SUCLG2: variants seen among roughly 807,000 people sequenced by gnomAD.
SUCLG2 encodes succinate--CoA ligase [GDP-forming] subunit beta, mitochondrial.
In SUCLG2, 42 loss-of-function variants were observed where a neutral mutation model predicts 47.9. The ratio of observed to expected loss-of-function variants is 0.88; its 90% CI spans 0.69 to 1.14. The LOEUF is 1.14. Ranked by LOEUF, SUCLG2 falls within the 50% of genes most tolerant of loss-of-function variation. The pLI is 0.00. For synonymous variants in SUCLG2, 195 were observed against 197.3 expected (o/e 0.99, Z 0.10); for missense variants, 571 against 525.9 (o/e 1.09, Z -0.84).
In SUCLG2 at chr3:67,518,240, T is replaced by C. The variant is rs772354781; in HGVS notation, c.660+7A>G. 2.5e-6 allele frequency: 4 copies of C among 1,609,656 alleles called. No homozygotes were observed. In the African/African-American group the frequency reaches 4.0e-5, roughly 16 times the overall value. On this transcript the variant is annotated splice_region_variant and intron_variant, in intron 6 of 10. Coordinates refer to ENST00000307227, the MANE Select transcript of SUCLG2 (RefSeq NM_003848.4). ...TCAGACACACCATCCCCCAATGGCT[T>C]ATATACCTGGCTTTTCAAAGGCCCA...
chr3:67,437,760 G>A (rs915835277), intron 9 of SUCLG2, among the ~76,000 whole-genome samples: 1 of 151,934 alleles, frequency 6.6e-6, no homozygotes, highest in Non-Finnish European at 1.5e-5. Flanking sequence ...CTTAAGAGAT[G>A]ATAATGATTA....
chr3:67,487,102 A>G (rs576421004), intron 9 of SUCLG2, among the ~76,000 whole-genome samples: 1 of 152,300 alleles, frequency 6.6e-6, no homozygotes, highest in African/African-American at 2.4e-5. Flanking sequence ...GGAAATAAAA[A>G]GAATCTTATT....
At chr3:67,543,719 G>C (rs1559565246) in intron 2 of SUCLG2, among the ~76,000 whole-genome samples, 1 of 152,152 alleles carries the variant, frequency 6.6e-6, no homozygotes, top group Admixed American at 6.5e-5. Flanking sequence ...GTTACCTTAA[G>C]TGGCTAGGGA....
chr3:67,548,805 A>G (rs1706933383), intron 2 of SUCLG2, among the ~76,000 whole-genome samples: 1 of 152,232 alleles, frequency 6.6e-6, no homozygotes, highest in Non-Finnish European at 1.5e-5. Context: ...TATTTAATTT[A>G]TACACCTTAG....
intron 2 of SUCLG2, among the ~76,000 whole-genome samples, chr3:67,569,802 A>G (rs1707560802): frequency 6.6e-6 from 1 of 152,176 alleles, no homozygotes; most frequent in African/African-American, 2.4e-5. Flanking sequence ...CTGATGCTAG[A>G]TGGGTTAAGA....
chr3:67,388,591 G>T (rs1702309050), intron 10 of SUCLG2, among the ~76,000 whole-genome samples: 1 of 152,188 alleles, frequency 6.6e-6, no homozygotes, highest in Non-Finnish European at 1.5e-5. Context: ...CTGATCATAG[G>T]TGAAACAATG....
intron 4 of SUCLG2, among the ~76,000 whole-genome samples, chr3:67,523,031 G>A (rs1013163781): frequency 5.3e-5 from 8 of 151,954 alleles, no homozygotes; most frequent in Admixed American, 3.3e-4. Flanking sequence ...CTCGTGATTC[G>A]CCCACCTCCG....
At chr3:67,497,196 T>C (rs932413620) in intron 8 of SUCLG2, among the ~76,000 whole-genome samples, 2 of 152,196 alleles carry the variant, frequency 1.3e-5, no homozygotes, top group Non-Finnish European at 2.9e-5. Context: ...TAATTGGATG[T>C]CATTTTCTAT....
At chr3:67,647,636 CACT>C (rs1239512387) in intron 1 of SUCLG2, among the ~76,000 whole-genome samples, 2 of 152,340 alleles carry the variant, frequency 1.3e-5, no homozygotes, top group Admixed American at 1.3e-4. Context: ...CAGCAGTCGT[CACT>C]ACTAAGTCAA....
At chr3:67,424,438 G>A (rs2106867583) in intron 9 of SUCLG2, among the ~76,000 whole-genome samples, 1 of 152,270 alleles carries the variant, frequency 6.6e-6, no homozygotes, top group African/African-American at 2.4e-5. Flanking sequence ...GTAGGATGAT[G>A]CATTGGAACT....
intron 1 of SUCLG2, among the ~76,000 whole-genome samples, chr3:67,640,604 T>G (rs144095637): frequency 1.2e-3 from 190 of 152,328 alleles, no homozygotes; most frequent in Middle Eastern, 3.4e-3. Context: ...TCCCCAAAAC[T>G]CGTTGAGCAT....
Position 67,546,824 on chromosome 3 carries a change from C to T in SUCLG2, c.227-17638G>A, listed in dbSNP as rs546760684. 3.9e-5 allele frequency among the ~76,000 whole-genome samples: 6 copies of T among 152,222 alleles called. 1 individual carries two copies. Among genetic ancestry groups the T allele is most frequent in the African/African-American group, 1.4e-4 (6 of 41,544 alleles). ...GCTGAGGCAGGAGAATTGCTGGAAC[C>T]GGGGAGGCAGAGGTTGCAGCGAGCT... On this transcript the variant is annotated intron_variant, in intron 2 of 10. Coordinates refer to ENST00000307227, the MANE Select transcript of SUCLG2 (RefSeq NM_003848.4).
intron 10 of SUCLG2, among the ~76,000 whole-genome samples, chr3:67,381,868 G>C (rs1575658678): frequency 2.0e-5 from 3 of 152,188 alleles, no homozygotes. Context: ...TCTGCCACTG[G>C]GTGGAGTAAG....
intron 9 of SUCLG2, among the ~76,000 whole-genome samples, chr3:67,410,831 C>T (rs751504215): frequency 2.6e-5 from 4 of 152,144 alleles, no homozygotes; most frequent in Non-Finnish European, 5.9e-5. Context: ...AACTGTCTTT[C>T]CAGCTTAACA....
At chr3:67,528,298 T>A in intron 3 of SUCLG2, 76 bp from the exon 4 acceptor site, 1 of 1,315,422 alleles carries the variant, frequency 7.6e-7, no homozygotes, top group Non-Finnish European at 1.1e-6. Context: ...ACACAGAGCC[T>A]CATGTCTACA....
At chr3:67,615,534 A>C (rs938671103) in intron 1 of SUCLG2, among the ~76,000 whole-genome samples, 1 of 152,060 alleles carries the variant, frequency 6.6e-6, no homozygotes, top group Non-Finnish European at 1.5e-5. Flanking sequence ...ACTTACTAGT[A>C]ATCAAGAAAA....
rs1447018246 is a variant in SUCLG2 at position 67,368,686 on chromosome 3, A to G, written c.1184-7918T>C. Among the ~76,000 whole-genome samples the G allele has an allele frequency of 2.0e-5, 3 of 151,726 alleles. No homozygotes were observed. The East Asian group carries it at 5.8e-4, about 29-fold the overall frequency. On this transcript the variant is annotated intron_variant, in intron 10 of 10. Coordinates refer to the SUCLG2 transcript ENST00000493112. ...AATGGCACAATCTTGGCTCACTGAA[A>G]CCTCCACCTCCTGGGTTCAAGTGAT...
chr3:67,421,690 C>T (rs760470837), intron 9 of SUCLG2, among the ~76,000 whole-genome samples: 3 of 152,130 alleles, frequency 2.0e-5, no homozygotes, highest in Non-Finnish European at 2.9e-5. Flanking sequence ...AAATAGTATT[C>T]ATTGGGAGAA....
rs753617532 is a variant in SUCLG2 at position 67,520,526 on chromosome 3, C to T, written c.526G>A (p.Asp176Asn). 9.9e-6 allele frequency: 16 copies of T among 1,614,148 alleles called. No individual in the cohort carries two copies. The highest frequency in any genetic ancestry group is 8.9e-5 in the East Asian group (4 of 44,880). ...VLVGSPQGGV[D>N]IEEVAASNPE... ...TTTGAAGCAGCCACCTCTTCAATGT[C>T]GACGCCCCCCTGGGGGCTGCCCACC... The change falls in exon 5 of 11, where the codon GAC becomes AAC. Residue 176 changes from aspartate to asparagine, a missense_variant. Transcript: ENST00000307227.
Sources: allele counts gnomAD v4.1 joint callset (sites outside exome capture counted in the v4.1 genomes callset), GRCh38; gene constraint gnomAD v4.1.1; transcripts MANE v1.5; gene names NCBI Gene and HGNC (gene_info 2026-07-23, HGNC 2026-07-21).